Variants in SCAMP3 observed in about 807,000 individuals in gnomAD.
The protein encoded by SCAMP3 is secretory carrier membrane protein 3.
SCAMP3 carries 30 observed loss-of-function variants against 44.1 expected under a neutral mutation model. That is an observed-to-expected ratio of 0.68 (90% CI 0.51 to 0.92). The LOEUF is 0.92. Among genes scored for constraint, SCAMP3 ranks in the 40% least tolerant of loss-of-function variants. The pLI is 0.00. For synonymous variants in SCAMP3, 168 were observed against 171.1 expected (o/e 0.98, Z 0.14); for missense variants, 394 against 440.0 (o/e 0.90, Z 0.93).
At chr1:155,258,526 G>C (rs1672867492) in intron 5 of SCAMP3, among the ~76,000 whole-genome samples, 1 of 151,254 alleles carries the variant, frequency 6.6e-6, no homozygotes, top group South Asian at 2.1e-4. Flanking sequence ...AGTAGAGATG[G>C]GGTTTCTCCA....
At chr1:155,261,960 T>A in intron 1 of SCAMP3, 126 bp downstream of exon 1, 1 of 984,940 alleles carries the variant, frequency 1.0e-6, no homozygotes, top group Non-Finnish European at 1.6e-6. Flanking sequence ...CTGGAGTCAC[T>A]GTCACCCCAC....
chr1:155,256,794 G>A lies in SCAMP3; in HGVS notation c.780-3C>T, dbSNP rs951595974. 1 of 1,611,198 alleles carries A rather than the reference G, an allele frequency of 6.2e-7. No homozygotes were observed. Among genetic ancestry groups the A allele is most frequent in the Non-Finnish European group, 8.5e-7 (1 of 1,177,324 alleles). ...CCACCAGAGCAGAGATCCAGCCACT[G>A]TAAAGGGAAGGATGTACCAGTGAAG... On this transcript the variant is annotated splice_region_variant and splice_polypyrimidine_tract_variant and intron_variant, in intron 7 of 8. Coordinates refer to ENST00000302631, the MANE Select transcript of SCAMP3 (RefSeq NM_005698.4).
At position 155,256,252 on chromosome 1, in the gene SCAMP3, C is replaced by A. The variant is rs1402639211; in HGVS notation, c.*21G>T. On this transcript the variant is annotated 3_prime_UTR_variant, in exon 9 of 9. Transcript: ENST00000302631. ...AAGTCAGCTCCCTCAAGTAGCAGGGCCAGGGCATCCCAGTCAGGGGTCACG... is the reference window on the plus strand; with the variant it reads ...AAGTCAGCTCCCTCAAGTAGCAGGGACAGGGCATCCCAGTCAGGGGTCACG... 1 of 1,541,898 alleles carries A rather than the reference C, an allele frequency of 6.5e-7. No homozygotes were observed.
intron 7 of SCAMP3, 25 bp from the exon 8 acceptor site, chr1:155,256,816 G>GCT: frequency 6.3e-7 from 1 of 1,579,572 alleles, no homozygotes; most frequent in Non-Finnish European, 8.7e-7. Context: ...ATGTACCAGT[G>GCT]AAGAGGGGCT....
rs1197012096 is a variant in SCAMP3 at position 155,258,957 on chromosome 1, G to A, written c.389-3C>T. ...AGGGGGCCAATTGTTCTGTCGAGCT[G>A]TAAGGCACAAAAAAACAGGTGGACC... On this transcript the variant is annotated splice_region_variant and splice_polypyrimidine_tract_variant and intron_variant, in intron 4 of 8. Coordinates refer to ENST00000302631, the MANE Select transcript of SCAMP3 (RefSeq NM_005698.4). The A allele has an allele frequency of 3.7e-6, 6 of 1,605,110 alleles. No homozygotes were observed. Among genetic ancestry groups the A allele is most frequent in the Non-Finnish European group, 4.3e-6 (5 of 1,176,240 alleles).
chr1:155,260,375 G>A lies in SCAMP3; in HGVS notation c.343C>T (p.Arg115Ter), dbSNP rs1355670993. ...ELNRKAEELD[R>*]RERELQHAAL... ...GCATGCTGCAGCTCTCGCTCCCTTC[G>A]GTCCAACTCCTCTGCCTTCCGGTTG... Residue 115 changes from arginine to a stop codon, truncating the protein, a stop_gained, in exon 4 of 9, where the codon CGA becomes TGA. Coordinates refer to ENST00000302631, the MANE Select transcript of SCAMP3 (RefSeq NM_005698.4). LOFTEE classifies it high-confidence loss of function. The A allele has an allele frequency of 5.6e-6, 9 of 1,613,588 alleles. No homozygotes were observed. Among genetic ancestry groups the A allele is most frequent in the African/African-American group, 2.7e-5 (2 of 75,012 alleles).
chr1:155,262,198 C>A lies in SCAMP3; in HGVS notation c.-47G>T. The A allele has an allele frequency of 6.4e-7, 1 of 1,552,834 alleles. No individual in the cohort carries two copies. The highest frequency in any genetic ancestry group is 1.1e-5 in the South Asian group (1 of 89,598). ...GGCCCTCTGCCCTCCACGCCCCTGC[C>A]GCAGCAGTGGCGGTAGCGGTAGCCC... On this transcript the variant is annotated 5_prime_UTR_variant, in exon 1 of 9. Coordinates refer to ENST00000302631, the MANE Select transcript of SCAMP3 (RefSeq NM_005698.4).
In SCAMP3 at chr1:155,262,225, C is replaced by G. The variant is rs1347570856; in HGVS notation, c.-74G>C. On this transcript the variant is annotated 5_prime_UTR_variant, in exon 1 of 9. Transcript: ENST00000302631. ...CAGCAGTGGCGGTAGCGGTAGCCCTCAGAGTCCACTTCACTCGCCTCAGTT... is the reference window on the plus strand; with the variant it reads ...CAGCAGTGGCGGTAGCGGTAGCCCTGAGAGTCCACTTCACTCGCCTCAGTT... 2.0e-5 allele frequency: 28 copies of G among 1,389,610 alleles called. No individual in the cohort carries two copies. The highest frequency in any genetic ancestry group is 3.0e-5 in the African/African-American group (2 of 67,182). The allele number at this position is 1,389,610 out of a possible 1,614,324, so 86.1% of individuals were successfully genotyped here. A position where few individuals can be genotyped will look rare whatever the true frequency, so the allele number is the denominator to read the frequency against.
chr1:155,260,651 T>A lies in SCAMP3; in HGVS notation c.153A>T (p.Pro51=). 4 of 1,608,924 alleles carry A rather than the reference T, an allele frequency of 2.5e-6. No homozygotes were observed. The South Asian group carries it at 4.4e-5, about 18-fold the overall frequency. ...YNPFETREPP[P]AYEPPAPAPL... ...GGGCAGGGGCTGGAGGCTCATAGGC[T>A]GGTGGTGGCTGTTGAGGAAAAGACC... The change falls in exon 3 of 9, where the codon CCA becomes CCT. Residue 51 remains proline, a synonymous_variant. Coordinates refer to ENST00000302631, the MANE Select transcript of SCAMP3 (RefSeq NM_005698.4).
rs554598948 is a variant in SCAMP3, at chr1:155,256,309, G to A, written c.1008C>T (p.Ala336=). ...GGAAGGCATTTTCAGCAGCCCCAGCGGCTGCATTGGCAGCTGCGGTTCGCA... is the reference window on the plus strand; with the variant it reads ...GGAAGGCATTTTCAGCAGCCCCAGCAGCTGCATTGGCAGCTGCGGTTCGCA... ...PAVRTAAANA[A]AGAAENAFRA... Residue 336 remains alanine, a synonymous_variant, in exon 9 of 9, where the codon GCC becomes GCT. Transcript: ENST00000302631. 1.1e-4 allele frequency: 175 copies of A among 1,596,498 alleles called. 2 individuals carry two copies. The South Asian group carries it at 1.8e-3, about 16-fold the overall frequency.
At chr1:155,258,660 T>C (rs930457318) in intron 5 of SCAMP3, 166 bp downstream of exon 5, 6 of 657,446 alleles carry the variant, frequency 9.1e-6, no homozygotes, top group Non-Finnish European at 1.6e-5. Flanking sequence ...GAATTCAAAA[T>C]ATATTCCTGC....
At chr1:155,256,515 A>G (rs2148116545) in intron 8 of SCAMP3, 96 bp from the exon 9 acceptor site, 1 of 1,451,796 alleles carries the variant, frequency 6.9e-7, no homozygotes. Flanking sequence ...CCTGCTGCCC[A>G]GCACACACAC....
intron 2 of SCAMP3, chr1:155,261,406 C>T: frequency 3.7e-6 from 2 of 547,668 alleles, no homozygotes; most frequent in Non-Finnish European, 6.6e-6. Flanking sequence ...CCATACAGAA[C>T]ATTGGTTAAG....
intron 1 of SCAMP3, 89 bp downstream of exon 1, chr1:155,261,997 T>TCCTTCC: frequency 7.5e-7 from 1 of 1,332,742 alleles, no homozygotes; most frequent in Non-Finnish European, 1.1e-6. Flanking sequence ...GGATCAAATG[T>TCCTTCC]CACAAATGGG....
At chr1:155,260,201 G>T in intron 4 of SCAMP3, 129 bp downstream of exon 4, 2 of 1,110,034 alleles carry the variant, frequency 1.8e-6, no homozygotes, top group East Asian at 2.4e-5. Context: ...CTCGTGATCC[G>T]CCCACCTCAG....
chr1:155,257,428 G>T (rs757364388), intron 6 of SCAMP3, 42 bp from the exon 7 acceptor site: 1 of 1,607,922 alleles, frequency 6.2e-7, no homozygotes, highest in South Asian at 1.1e-5. Flanking sequence ...AGAAGAATTA[G>T]AGCTGAAGGA....
At chr1:155,262,032 G>C in intron 1 of SCAMP3, 54 bp downstream of exon 1, 1 of 1,551,904 alleles carries the variant, frequency 6.4e-7, no homozygotes, top group East Asian at 2.2e-5. Context: ...CGACCCTACA[G>C]AACCGGGAAG....
At chr1:155,256,446 C>T (rs1160542733) in intron 8 of SCAMP3, 27 bp from the exon 9 acceptor site, 7 of 1,557,286 alleles carry the variant, frequency 4.5e-6, no homozygotes, top group Admixed American at 3.7e-5. Context: ...AAGACATTAC[C>T]GCCCATTCCA....
intron 4 of SCAMP3, among the ~76,000 whole-genome samples, chr1:155,260,122 TTG>T (rs1000529703): frequency 6.6e-6 from 1 of 151,994 alleles, no homozygotes; most frequent in Non-Finnish European, 1.5e-5. Context: ...CAGCTAATTT[TTG>T]TGTGTGTGTA....
Sources: allele counts gnomAD v4.1 joint callset (sites outside exome capture counted in the v4.1 genomes callset), GRCh38; gene constraint gnomAD v4.1.1; transcripts MANE v1.5; gene names NCBI Gene and HGNC (gene_info 2026-07-23, HGNC 2026-07-21).